The following AGPAT4 variants were observed in gnomAD, a reference collection of about 807,000 sequenced individuals.
The protein encoded by AGPAT4 is 1-acyl-sn-glycerol-3-phosphate acyltransferase delta.
A neutral mutation model predicts 48.0 loss-of-function variants in AGPAT4; 15 were observed. The ratio of observed to expected loss-of-function variants is 0.31; its 90% CI spans 0.21 to 0.48. The LOEUF is 0.48. Among genes scored for constraint, AGPAT4 ranks in the 20% least tolerant of loss-of-function variants. The pLI is 0.99. For synonymous variants in AGPAT4, 178 were observed against 198.7 expected, an observed-to-expected ratio of 0.90 and a Z score of 0.88; for missense variants, 314 against 482.5, an observed-to-expected ratio of 0.65 and a Z score of 3.27.
intron 2 of AGPAT4, among the ~76,000 whole-genome samples, chr6:161,185,173 G>A (rs1780732319): frequency 6.8e-6 from 1 of 147,964 alleles, no homozygotes; most frequent in Non-Finnish European, 1.5e-5. Flanking sequence ...GAGGGAGATA[G>A]TTTGGAAACA....
intron 2 of AGPAT4, among the ~76,000 whole-genome samples, chr6:161,207,068 T>C (rs1336120937): frequency 6.6e-6 from 1 of 152,236 alleles, no homozygotes; most frequent in African/African-American, 2.4e-5. Flanking sequence ...AGCTACTGGC[T>C]AGGGACTTTT....
In AGPAT4 at chr6:161,245,603, C is replaced by T. The variant is rs1159600322; in HGVS notation, c.-89-13301G>A. 6.6e-6 allele frequency among the ~76,000 whole-genome samples: 1 copy of T among 152,070 alleles called. No individual in the cohort carries two copies. The highest frequency in any genetic ancestry group is 1.5e-5 in the Non-Finnish European group (1 of 68,010). On this transcript the variant is annotated intron_variant, in intron 1 of 8. Coordinates refer to ENST00000320285, the MANE Select transcript of AGPAT4 (RefSeq NM_020133.3). This position sits in a 1 kb window ranked among gnomAD's most constrained non-coding sequence, Gnocchi z 5.2. ...TGCTCAGGGGAGCAGTTTAGGGGGA[C>T]ACAAGCAAGTGGCCGTTCATTTTCT...
intron 2 of AGPAT4, among the ~76,000 whole-genome samples, chr6:161,211,524 C>T (rs1028038521): frequency 2.0e-5 from 3 of 151,812 alleles, no homozygotes; most frequent in Admixed American, 1.3e-4. Context: ...TAAATTTAGT[C>T]CTAGAGTAAA....
In AGPAT4 at chr6:161,160,980, C is replaced by T. The variant is rs1405494076; in HGVS notation, c.348+5268G>A. Reference sequence around the variant, plus strand: ...GTGCTTGCTAAACAGTTGCAGGAAGCACAGGCAGATGGGGCATCAGAGGGC... The same window carrying T: ...GTGCTTGCTAAACAGTTGCAGGAAGTACAGGCAGATGGGGCATCAGAGGGC... On this transcript the variant is annotated intron_variant, in intron 3 of 8. Coordinates refer to ENST00000320285, the MANE Select transcript of AGPAT4 (RefSeq NM_020133.3). 6.6e-6 allele frequency: 3 copies of T among 456,492 alleles called. No individual in the cohort carries two copies. In the East Asian group the frequency reaches 2.1e-4, roughly 32 times the overall value. 28.3% of individuals were successfully genotyped at this position (456,492 alleles called of 1,614,324 possible). A position where few individuals can be genotyped will look rare whatever the true frequency, so the allele number is the denominator to read the frequency against.
In AGPAT4 at chr6:161,133,950, A is replaced by C. The variant is rs1175317809; in HGVS notation, c.*2590T>G. ...AAAGCAGTTGTTGTGTGCTGAGGAG[A>C]TGGTGACCTCCGTGTGACCTGAACA... On this transcript the variant is annotated 3_prime_UTR_variant, in exon 9 of 9. Transcript: ENST00000320285. The C allele has an allele frequency of 6.6e-6, 1 of 152,188 alleles. No homozygotes were observed. The highest frequency in any genetic ancestry group is 6.5e-5 in the Admixed American group (1 of 15,272). 9.4% of individuals were successfully genotyped at this position (152,188 alleles called of 1,614,324 possible).
chr6:161,163,575 G>T (rs963107295), intron 3 of AGPAT4, among the ~76,000 whole-genome samples: 3 of 152,162 alleles, frequency 2.0e-5, no homozygotes, highest in Non-Finnish European at 2.9e-5. Context: ...CATGGGGAGG[G>T]GGTTCCCTGG....
chr6:161,211,118 A>G (rs1465333911), intron 2 of AGPAT4, among the ~76,000 whole-genome samples: 1 of 152,218 alleles, frequency 6.6e-6, no homozygotes. Flanking sequence ...ATTTTCCAAC[A>G]GTGGTACCAT....
chr6:161,188,792 A>G (rs1448086325), intron 2 of AGPAT4, among the ~76,000 whole-genome samples: 1 of 152,202 alleles, frequency 6.6e-6, no homozygotes, highest in East Asian at 1.9e-4. Context: ...TGGGTTGAGC[A>G]GCCAGCGGCC....
rs901594008 is a variant in AGPAT4 at position 161,258,341 on chromosome 6, A to G, written c.-90+15597T>C. On this transcript the variant is annotated intron_variant, in intron 1 of 8. Coordinates refer to ENST00000320285, the MANE Select transcript of AGPAT4 (RefSeq NM_020133.3). ...CCATTTGAAAACAAATTTCCTGCAA[A>G]CGGGTTGGCAGATTCTCCAAATACC... 1.2e-4 allele frequency among the ~76,000 whole-genome samples: 19 copies of G among 152,262 alleles called. No individual in the cohort carries two copies. In the East Asian group the frequency reaches 3.7e-3, roughly 29 times the overall value.
rs986307457 is a variant in AGPAT4 at position 161,134,291 on chromosome 6, G to A, written c.*2249C>T. On this transcript the variant is annotated 3_prime_UTR_variant, in exon 9 of 9. Transcript: ENST00000320285. ...GGCTGTTTGCTTGCTTGTGTGTTGT[G>A]TGATACCAGAGCCAATTCAGAAGAA... 1.3e-5 allele frequency: 2 copies of A among 152,206 alleles called. No homozygotes were observed. Among genetic ancestry groups the A allele is most frequent in the African/African-American group, 4.8e-5 (2 of 41,446 alleles). 9.4% of individuals were successfully genotyped at this position (152,206 alleles called of 1,614,324 possible). A position where few individuals can be genotyped will look rare whatever the true frequency, so the allele number is the denominator to read the frequency against.
chr6:161,130,727 A>G lies in AGPAT4; in HGVS notation c.*5813T>C, dbSNP rs1263271886. 2.4e-6 allele frequency: 1 copy of G among 413,680 alleles called. No homozygotes were observed. Among genetic ancestry groups the G allele is most frequent in the African/African-American group, 2.0e-5 (1 of 49,778 alleles). 25.6% of individuals were successfully genotyped at this position (413,680 alleles called of 1,614,324 possible). On this transcript the variant is annotated 3_prime_UTR_variant, in exon 9 of 9. Transcript: ENST00000320285. The stretch of plus-strand genomic sequence containing the variant: ...CCTTGCTGTGTTTGCCTCAGATGCG[A>G]GTAAGGAAGCTCCAGTTGTAGCCTT...
At position 161,136,424 on chromosome 6, in the gene AGPAT4, C is replaced by A; in HGVS notation, c.*116G>T. 1.1e-6 allele frequency: 1 copy of A among 878,808 alleles called. No individual in the cohort carries two copies. The allele number at this position is 878,808 out of a possible 1,614,324, so 54.4% of individuals were successfully genotyped here. On this transcript the variant is annotated 3_prime_UTR_variant, in exon 9 of 9. Transcript: ENST00000320285. ...GACTCCCTGGCTGGAGAGGTCGTGA[C>A]TTCCGCCGTGCCCAGCAGGGGCTCA...
chr6:161,194,024 T>A (rs1021520632), intron 2 of AGPAT4, among the ~76,000 whole-genome samples: 2 of 152,218 alleles, frequency 1.3e-5, no homozygotes, highest in Admixed American at 6.5e-5. Flanking sequence ...TGTCTACAGC[T>A]ATGCTGTCCA....
chr6:161,247,455 T>C (rs1430348871), intron 1 of AGPAT4, among the ~76,000 whole-genome samples: 1 of 152,188 alleles, frequency 6.6e-6, no homozygotes, highest in Non-Finnish European at 1.5e-5. Flanking sequence ...CTTTGCTAGA[T>C]AAAACCATTT....
rs1304134812 is a variant in AGPAT4 at position 161,169,347 on chromosome 6, G to C, written c.179-2930C>G. Among the ~76,000 whole-genome samples the C allele has an allele frequency of 6.6e-6, 1 of 152,196 alleles. No individual in the cohort carries two copies. Among genetic ancestry groups the C allele is most frequent in the Admixed American group, 6.5e-5 (1 of 15,284 alleles). On this transcript the variant is annotated intron_variant, in intron 2 of 8. Transcript: ENST00000320285. The surrounding 1 kb of genome is among the most constrained non-coding windows in gnomAD (Gnocchi z 5.0). ...GTGACTACATCAGCACAGCGAGAGG[G>C]GATGGTGCTGGGACCAGGTGGGGGA...
In AGPAT4 at chr6:161,140,547, G is replaced by A. The variant is rs538294294; in HGVS notation, c.844-927C>T. 2.0e-4 allele frequency among the ~76,000 whole-genome samples: 30 copies of A among 151,242 alleles called. No homozygotes were observed. The highest frequency in any genetic ancestry group is 6.2e-4 in the African/African-American group (25 of 40,524). On this transcript the variant is annotated intron_variant, in intron 7 of 8. Coordinates refer to ENST00000320285, the MANE Select transcript of AGPAT4 (RefSeq NM_020133.3). This position sits in a 1 kb window ranked among gnomAD's most constrained non-coding sequence, Gnocchi z 6.5. ...CTCTTCCCTGGGTGTCTCATGTCAC[G>A]GAGCTCCCGCTCAGGGACTGGGGCT...
intron 2 of AGPAT4, among the ~76,000 whole-genome samples, chr6:161,168,205 T>G (rs951426509): frequency 6.6e-6 from 1 of 151,992 alleles, no homozygotes; most frequent in African/African-American, 2.4e-5. Flanking sequence ...TTTGTTACCA[T>G]GGGGCACGAA....
Position 161,242,654 on chromosome 6 carries a change from G to A in AGPAT4, c.-89-10352C>T, listed in dbSNP as rs1782525544. 6.6e-6 allele frequency among the ~76,000 whole-genome samples: 1 copy of A among 152,164 alleles called. No homozygotes were observed. The highest frequency in any genetic ancestry group is 2.4e-5 in the African/African-American group (1 of 41,430). The stretch of plus-strand genomic sequence containing the variant: ...CATATTTTAAAATTATGCTCAGTCT[G>A]TGAAGTCTCCAAAAAATTTTATCAA... On this transcript the variant is annotated intron_variant, in intron 1 of 8. Coordinates refer to ENST00000320285, the MANE Select transcript of AGPAT4 (RefSeq NM_020133.3). The surrounding 1 kb of genome is among the most constrained non-coding windows in gnomAD (Gnocchi z 5.0).
chr6:161,242,574 T>A lies in AGPAT4; in HGVS notation c.-89-10272A>T, dbSNP rs1782524007. 6.6e-6 allele frequency among the ~76,000 whole-genome samples: 1 copy of A among 152,148 alleles called. No homozygotes were observed. The highest frequency in any genetic ancestry group is 6.5e-5 in the Admixed American group (1 of 15,272). ...ATTCTGAGGGTGCCAGCTGGCTAGA[T>A]GCATTTCCAACAACCGAGGGTGTAT... is the stretch of plus-strand genomic sequence containing the variant. On this transcript the variant is annotated intron_variant, in intron 1 of 8. Transcript: ENST00000320285. The surrounding 1 kb of genome is among the most constrained non-coding windows in gnomAD (Gnocchi z 5.0).
Sources: allele counts gnomAD v4.1 joint callset (sites outside exome capture counted in the v4.1 genomes callset), GRCh38; gene constraint gnomAD v4.1.1; non-coding constraint Gnocchi (gnomAD v3.1); transcripts MANE v1.5; gene names NCBI Gene and HGNC (gene_info 2026-07-23, HGNC 2026-07-21).